The following ARFGEF2 variants were observed in gnomAD, a reference collection of about 807,000 sequenced individuals.
The protein encoded by ARFGEF2 is brefeldin A-inhibited guanine nucleotide-exchange protein 2.
A neutral mutation model predicts 219.9 loss-of-function variants in ARFGEF2; 74 were observed. The ratio of observed to expected loss-of-function variants is 0.34; its 90% CI spans 0.28 to 0.41. The LOEUF is 0.41. Ranked by LOEUF, ARFGEF2 falls within the 10% of genes least tolerant of loss-of-function variation. The pLI is 1.00. For missense variants in ARFGEF2, 1,743 were observed against 2,218.3 expected (o/e 0.79, Z 4.30); for synonymous variants, 733 against 799.2 (o/e 0.92, Z 1.40).
intron 27 of ARFGEF2, among the ~76,000 whole-genome samples, chr20:49,010,757 G>A (rs748770826): frequency 1.3e-5 from 2 of 152,182 alleles, no homozygotes; most frequent in Admixed American, 6.5e-5. Flanking sequence ...GGTGGATTCC[G>A]TGTGTATACT....
Position 48,941,240 on chromosome 20 carries a change from G to A in ARFGEF2, c.152+11G>A, listed in dbSNP as rs1048804572. On this transcript the variant is annotated intron_variant, in intron 2 of 38. Transcript: ENST00000371917. ...AATAGAAAAGCAGAGGTAAGCTATA[G>A]CACTACCTCCTTGCTGAGATACGGC... 6.2e-7 allele frequency: 1 copy of A among 1,612,780 alleles called. No homozygotes were observed. Among genetic ancestry groups the A allele is most frequent in the Non-Finnish European group, 8.5e-7 (1 of 1,179,240 alleles).
intron 21 of ARFGEF2, among the ~76,000 whole-genome samples, chr20:48,992,678 G>C (rs952354094): frequency 3.3e-5 from 5 of 152,162 alleles, no homozygotes; most frequent in Non-Finnish European, 7.3e-5. Flanking sequence ...CATCTCCGTG[G>C]CGTATGGCTT....
At chr20:48,971,923 C>T (rs1006730972) in intron 10 of ARFGEF2, among the ~76,000 whole-genome samples, 3 of 152,142 alleles carry the variant, frequency 2.0e-5, no homozygotes, top group East Asian at 1.9e-4. Flanking sequence ...TTACTGCCCC[C>T]GGATCTTATG....
intron 36 of ARFGEF2, among the ~76,000 whole-genome samples, chr20:49,027,354 C>A (rs912771013): frequency 6.6e-6 from 1 of 152,066 alleles, no homozygotes; most frequent in Non-Finnish European, 1.5e-5. Context: ...AGAGCTGTTA[C>A]ATTTGAAAAG....
chr20:49,004,057 A>G (rs927761152), intron 25 of ARFGEF2, among the ~76,000 whole-genome samples: 2 of 152,028 alleles, frequency 1.3e-5, no homozygotes, highest in Non-Finnish European at 2.9e-5. Flanking sequence ...ATAGAGTTTC[A>G]TTTTTTCAAG....
chr20:49,034,495 G>T lies in ARFGEF2; in HGVS notation c.*1296G>T, dbSNP rs2091655178. 6.6e-6 allele frequency: 1 copy of T among 152,242 alleles called. No homozygotes were observed. Among genetic ancestry groups the T allele is most frequent in the Non-Finnish European group, 1.5e-5 (1 of 68,062 alleles). The allele number at this position is 152,242 out of a possible 1,614,324, so 9.4% of individuals were successfully genotyped here. A position where few individuals can be genotyped will look rare whatever the true frequency, so the allele number is the denominator to read the frequency against. On this transcript the variant is annotated 3_prime_UTR_variant, in exon 39 of 39. Transcript: ENST00000371917. Reference sequence around the variant, plus strand: ...CCAAAGCCTGTGAGCAGTATACGTGGATGCTCACCCATGAGAAGGAGCACA... The same window carrying T: ...CCAAAGCCTGTGAGCAGTATACGTGTATGCTCACCCATGAGAAGGAGCACA...
intron 30 of ARFGEF2, among the ~76,000 whole-genome samples, chr20:49,014,695 G>A (rs2091519919): frequency 6.6e-6 from 1 of 152,168 alleles, no homozygotes. Flanking sequence ...GGAAGGTGAG[G>A]TGGGAGGATT....
At position 49,033,349 on chromosome 20, in the gene ARFGEF2, TCA is replaced by T; in HGVS notation, c.*153_*154del. ...AACGGATGGCCTCTACGCTGTTCCA[TCA>T]CAGTCTCCAACTAAGGCTTATGGTA... On this transcript the variant is annotated 3_prime_UTR_variant, in exon 39 of 39. Transcript: ENST00000371917. The T allele has an allele frequency of 1.2e-6, 1 of 812,296 alleles. No homozygotes were observed. The highest frequency in any genetic ancestry group is 2.0e-6 in the Non-Finnish European group (1 of 502,418). 50.3% of individuals were successfully genotyped at this position (812,296 alleles called of 1,614,324 possible). A position where few individuals can be genotyped will look rare whatever the true frequency, so the allele number is the denominator to read the frequency against.
At chr20:49,016,162 G>C in intron 30 of ARFGEF2, 118 bp from the exon 31 acceptor site, 1 of 1,016,392 alleles carries the variant, frequency 9.8e-7, no homozygotes, top group Non-Finnish European at 1.5e-6. Flanking sequence ...TTTTTAAGAC[G>C]TATTCTTGAT....
chr20:48,929,904 T>G (rs2090902673), intron 1 of ARFGEF2, among the ~76,000 whole-genome samples: 1 of 152,012 alleles, frequency 6.6e-6, no homozygotes, highest in African/African-American at 2.4e-5. Flanking sequence ...ATTTTTTAGG[T>G]CAAAGGCAGT....
In ARFGEF2 at chr20:48,972,432, C is replaced by A; in HGVS notation, c.1525+7C>A. 6.2e-7 allele frequency: 1 copy of A among 1,605,456 alleles called. No individual in the cohort carries two copies. The highest frequency in any genetic ancestry group is 8.5e-7 in the Non-Finnish European group (1 of 1,172,244). On this transcript the variant is annotated splice_region_variant and intron_variant, in intron 11 of 38. Coordinates refer to ENST00000371917, the MANE Select transcript of ARFGEF2 (RefSeq NM_006420.3). ...CTGACGAGGATCTGTGCAGGTATTT[C>A]CACCTGGGGACACTCATCCACTGGA...
At chr20:48,998,669 T>C (rs546792304) in intron 25 of ARFGEF2, among the ~76,000 whole-genome samples, 164 bp downstream of exon 25, 1 of 152,282 alleles carries the variant, frequency 6.6e-6, no homozygotes, top group South Asian at 2.1e-4. Flanking sequence ...ATCATACTTA[T>C]ATATTGGTAG....
rs921950668 is a variant in ARFGEF2 at position 49,034,451 on chromosome 20, G to A, written c.*1252G>A. On this transcript the variant is annotated 3_prime_UTR_variant, in exon 39 of 39. Transcript: ENST00000371917. ...TTCTGCTGCAGCTTGTGTAAAAGTG[G>A]GCAGTACACAAGTACGTCCCAAAGC... is the stretch of plus-strand genomic sequence containing the variant. The A allele has an allele frequency of 6.6e-6, 1 of 152,212 alleles. No individual in the cohort carries two copies. Among genetic ancestry groups the A allele is most frequent in the Non-Finnish European group, 1.5e-5 (1 of 68,046 alleles). 9.4% of individuals were successfully genotyped at this position (152,212 alleles called of 1,614,324 possible).
intron 14 of ARFGEF2, among the ~76,000 whole-genome samples, chr20:48,978,440 C>A (rs1329368838): frequency 1.3e-5 from 2 of 152,106 alleles, no homozygotes; most frequent in African/African-American, 4.8e-5. Flanking sequence ...TTAGGATTGT[C>A]TTGGCAATGT....
At chr20:49,008,968 G>A (rs536074212) in intron 26 of ARFGEF2, among the ~76,000 whole-genome samples, 120 of 152,190 alleles carry the variant, frequency 7.9e-4, no homozygotes, top group Non-Finnish European at 1.4e-3. Context: ...TCGGCCTCCC[G>A]AAGTGCTGGG....
intron 10 of ARFGEF2, among the ~76,000 whole-genome samples, chr20:48,971,948 A>G (rs2091231246): frequency 6.6e-6 from 1 of 152,158 alleles, no homozygotes. Context: ...TTTCATTTTA[A>G]CCAATATGGT....
chr20:49,001,359 C>G (rs535285949), intron 25 of ARFGEF2, among the ~76,000 whole-genome samples: 1 of 152,120 alleles, frequency 6.6e-6, no homozygotes, highest in African/African-American at 2.4e-5. Flanking sequence ...GGACTCTTAA[C>G]TTTTTCCACC....
At chr20:49,014,366 A>T (rs1241920182) in intron 30 of ARFGEF2, among the ~76,000 whole-genome samples, 1 of 151,978 alleles carries the variant, frequency 6.6e-6, no homozygotes, top group African/African-American at 2.4e-5. Flanking sequence ...CCTTTTTTTT[A>T]AAAGGAAGTT....
intron 26 of ARFGEF2, among the ~76,000 whole-genome samples, chr20:49,007,197 G>T (rs2091466336): frequency 6.6e-6 from 1 of 152,030 alleles, no homozygotes; most frequent in South Asian, 2.1e-4. Context: ...ATTGGCCATG[G>T]AGCATAAAGG....
Sources: allele counts gnomAD v4.1 joint callset (sites outside exome capture counted in the v4.1 genomes callset), GRCh38; gene constraint gnomAD v4.1.1; transcripts MANE v1.5; gene names NCBI Gene and HGNC (gene_info 2026-07-23, HGNC 2026-07-21).